The following SENP7 variants were observed in gnomAD, a reference collection of about 807,000 sequenced individuals.
SENP7 encodes sentrin-specific protease 7.
Under a neutral mutation model 141.2 loss-of-function variants are expected in SENP7, and 64 were observed. The observed-to-expected ratio is 0.45, with a 90% confidence interval of 0.37 to 0.56. The LOEUF (loss-of-function observed/expected upper bound fraction) is 0.56, where lower values mean the gene tolerates loss of function less well. SENP7 is among the 20% of genes least tolerant of loss of function. SENP7 has a pLI of 0.00. For missense variants in SENP7, 1,025 were observed against 1,212.2 expected, an observed-to-expected ratio of 0.85 and a Z score of 2.29; for synonymous variants, 382 against 426.4, an observed-to-expected ratio of 0.90 and a Z score of 1.28.
At chr3:101,447,423 C>T (rs2107806698) in intron 4 of SENP7, among the ~76,000 whole-genome samples, 2 of 152,110 alleles carry the variant, frequency 1.3e-5, no homozygotes, top group Middle Eastern at 6.8e-3. Context: ...GTCCACGCAA[C>T]AGAACAAGAT....
intron 3 of SENP7, among the ~76,000 whole-genome samples, chr3:101,472,955 G>A (rs1350817880): frequency 1.3e-5 from 2 of 152,096 alleles, no homozygotes; most frequent in African/African-American, 4.8e-5. Context: ...GTCCCCTTCT[G>A]TGTCCATGTA....
Position 101,462,293 on chromosome 3 carries a change from G to A in SENP7, c.187-3241C>T, listed in dbSNP as rs186166551. 9.7e-4 allele frequency among the ~76,000 whole-genome samples: 148 copies of A among 152,318 alleles called. 1 individual carries two copies. The Middle Eastern group carries it at 0.017, about 18-fold the overall frequency. On this transcript the variant is annotated intron_variant, in intron 3 of 23. Coordinates refer to ENST00000394095, the MANE Select transcript of SENP7 (RefSeq NM_020654.5). Reference sequence around the variant, plus strand: ...ACAGTGGCTCACACCTGTAATCCCAGCACTTGGAGAGGCTGAGGCTGGCAG... The same window carrying A: ...ACAGTGGCTCACACCTGTAATCCCAACACTTGGAGAGGCTGAGGCTGGCAG...
intron 3 of SENP7, among the ~76,000 whole-genome samples, chr3:101,485,102 A>C (rs1321775532): frequency 2.6e-5 from 4 of 151,970 alleles, no homozygotes; most frequent in African/African-American, 7.3e-5. Flanking sequence ...AGCCAAAACA[A>C]GACCCACCCA....
intron 17 of SENP7, among the ~76,000 whole-genome samples, chr3:101,334,043 G>A (rs573931311): frequency 6.6e-6 from 1 of 152,276 alleles, no homozygotes; most frequent in Admixed American, 6.5e-5. Context: ...GCGCTCCTGT[G>A]AGTATCTAAC....
chr3:101,364,847 C>G lies in SENP7; in HGVS notation c.1463G>C (p.Cys488Ser). The G allele has an allele frequency of 6.3e-7, 1 of 1,591,976 alleles. No individual in the cohort carries two copies. Among genetic ancestry groups the G allele is most frequent in the Non-Finnish European group, 8.6e-7 (1 of 1,168,250 alleles). ...SALLELPLIT[C>S]ESVQMSSELC... Reference sequence around the variant, plus strand: ...GAAATAAATTACCTGTACAGATTCACATGTAATCAATGGTAGTTCTAACAA... The same window carrying G: ...GAAATAAATTACCTGTACAGATTCAGATGTAATCAATGGTAGTTCTAACAA... Residue 488 changes from cysteine (C) to serine (S), a missense_variant, in exon 10 of 24, where the codon TGT becomes TCT. Cys to Ser is a moderately radical substitution (Grantham distance 112). Transcript: ENST00000394095.
chr3:101,351,549 T>C (rs896790370), intron 12 of SENP7, 69 bp downstream of exon 12: 1 of 1,173,210 alleles, frequency 8.5e-7, no homozygotes, highest in Admixed American at 3.2e-5. Context: ...ATTATTAAAC[T>C]TAGTTTTACT....
intron 4 of SENP7, among the ~76,000 whole-genome samples, chr3:101,418,566 T>C (rs1478681300): frequency 1.3e-5 from 2 of 152,158 alleles, no homozygotes; most frequent in African/African-American, 4.8e-5. Context: ...CAGAAGAGTG[T>C]CTATTTTACT....
intron 6 of SENP7, among the ~76,000 whole-genome samples, chr3:101,378,272 G>C (rs2060394562): frequency 6.6e-6 from 1 of 152,002 alleles, no homozygotes; most frequent in African/African-American, 2.4e-5. Flanking sequence ...TGAATTATCA[G>C]ATTAGGAATT....
chr3:101,357,383 G>A, intron 11 of SENP7: 1 of 704,590 alleles, frequency 1.4e-6, no homozygotes, highest in Non-Finnish European at 2.6e-6. Context: ...CCTTGGTATT[G>A]TTGTCTCTAA....
chr3:101,507,366 C>G (rs543237299), intron 1 of SENP7, among the ~76,000 whole-genome samples: 2 of 152,310 alleles, frequency 1.3e-5, no homozygotes, highest in East Asian at 3.9e-4. Context: ...CATCATCAAG[C>G]CTAGGAATCA....
intron 4 of SENP7, among the ~76,000 whole-genome samples, chr3:101,452,504 T>C (rs1358469233): frequency 6.6e-6 from 1 of 152,174 alleles, no homozygotes; most frequent in African/African-American, 2.4e-5. Context: ...ATGGTACTGG[T>C]ACCAAAACAG....
chr3:101,335,268 C>T (rs2059154178), intron 17 of SENP7, among the ~76,000 whole-genome samples: 1 of 152,118 alleles, frequency 6.6e-6, no homozygotes, highest in African/African-American at 2.4e-5. Flanking sequence ...TGGAAAGAAA[C>T]CAGATCTTTC....
chr3:101,427,133 T>TTA (rs2061988104), intron 4 of SENP7, among the ~76,000 whole-genome samples: 1 of 152,094 alleles, frequency 6.6e-6, no homozygotes, highest in Admixed American at 6.5e-5. Context: ...ACCAAAAAGC[T>TTA]TATTCATCAC....
chr3:101,363,200 C>CTTTTT, intron 10 of SENP7: 2 of 774,238 alleles, frequency 2.6e-6, no homozygotes, highest in Non-Finnish European at 3.1e-6. Context: ...TTCTTATTCC[C>CTTTTT]TAAGTAAAAA....
At chr3:101,462,783 G>A (rs968313426) in intron 3 of SENP7, among the ~76,000 whole-genome samples, 5 of 150,420 alleles carry the variant, frequency 3.3e-5, no homozygotes, top group Non-Finnish European at 5.9e-5. Flanking sequence ...CATGAGAATC[G>A]CTGGAACCCA....
In SENP7 at chr3:101,398,973, T is replaced by C. The variant is rs554608419; in HGVS notation, c.565A>G (p.Ser189Gly). Residue 189 changes from serine (S) to glycine (G), a missense_variant, in exon 6 of 24, where the codon AGT (serine) becomes GGT (glycine). Physicochemically the swap from Ser to Gly is moderately conservative, Grantham distance 56 (BLOSUM62 0). Transcript: ENST00000394095. ...YIRTPPVTEG[S>G]LSDTDNLQSE... ...TGCAAGTTGTCTGTATCACTCAAAC[T>C]TCCCTCAGTTACAGGTGGGGTCCTT... is the stretch of plus-strand genomic sequence containing the variant. 6.2e-7 allele frequency: 1 copy of C among 1,613,804 alleles called. No individual in the cohort carries two copies. Among genetic ancestry groups the C allele is most frequent in the South Asian group, 1.1e-5 (1 of 91,052 alleles).
At chr3:101,431,185 G>A (rs748128741) in intron 4 of SENP7, among the ~76,000 whole-genome samples, 1 of 152,188 alleles carries the variant, frequency 6.6e-6, no homozygotes, top group Non-Finnish European at 1.5e-5. Flanking sequence ...TTCTTTAGAT[G>A]TCTATTAGGT....
intron 13 of SENP7, 151 bp downstream of exon 13, chr3:101,347,721 C>CAAA (rs11389959): frequency 1.3e-3 from 362 of 274,798 alleles, no homozygotes; most frequent in Middle Eastern, 2.0e-3. Context: ...GACTCCATCT[C>CAAA]AAAAAAAAAA....
At chr3:101,348,146 T>A (rs1241133787) in intron 12 of SENP7, 95 bp from the exon 13 acceptor site, 1 of 787,704 alleles carries the variant, frequency 1.3e-6, no homozygotes, top group African/African-American at 1.9e-5. Context: ...ACTACTTTTT[T>A]TAAAAAAAAG....
Sources: allele counts gnomAD v4.1 joint callset (sites outside exome capture counted in the v4.1 genomes callset), GRCh38; gene constraint gnomAD v4.1.1; transcripts MANE v1.5; gene names NCBI Gene and HGNC (gene_info 2026-07-23, HGNC 2026-07-21).